The following NT5C2 variants were observed in gnomAD, a reference collection of about 807,000 sequenced individuals.
NT5C2 encodes cytosolic purine 5'-nucleotidase.
NT5C2 carries 58 observed loss-of-function variants against 76.1 expected under a neutral mutation model. The observed-to-expected ratio is 0.76, with a 90% CI of 0.62 to 0.95. NT5C2 has a LOEUF of 0.95. Among genes scored for constraint, NT5C2 ranks in the 40% least tolerant of loss-of-function variants. NT5C2 has a pLI of 0.00. For synonymous variants in NT5C2, 229 were observed against 237.4 expected (o/e 0.96, Z 0.32); for missense variants, 478 against 690.3 (o/e 0.69, Z 3.45).
chr10:103,153,555 G>A (rs542173172), intron 3 of NT5C2: 318 of 985,242 alleles, frequency 3.2e-4, no homozygotes, highest in Non-Finnish European at 3.7e-4. Flanking sequence ...CTAATGGCCT[G>A]AACTGTTTAA....
intron 3 of NT5C2, chr10:103,153,535 G>T (rs1489344355): frequency 1.0e-6 from 1 of 985,142 alleles, no homozygotes; most frequent in Non-Finnish European, 1.2e-6. Context: ...TTCAAGACTA[G>T]GAAAAATAAC....
chr10:103,171,254 A>G (rs1218283860), intron 3 of NT5C2, among the ~76,000 whole-genome samples: 5 of 152,238 alleles, frequency 3.3e-5, no homozygotes, highest in Admixed American at 2.6e-4. Context: ...CTTCTGATAT[A>G]CTCAATAACA....
At chr10:103,110,640 TAAAG>T (rs572288169) in intron 4 of NT5C2, among the ~76,000 whole-genome samples, 38 of 152,218 alleles carry the variant, frequency 2.5e-4, no homozygotes, top group Non-Finnish European at 4.3e-4. Context: ...ATGGATTTAA[TAAAG>T]AGAGTCCAAG....
chr10:103,150,689 T>C (rs187135285), intron 3 of NT5C2, among the ~76,000 whole-genome samples: 12 of 152,344 alleles, frequency 7.9e-5, no homozygotes, highest in African/African-American at 2.6e-4. Context: ...TTAGTGTGTG[T>C]GCAGTGGTAT....
At chr10:103,173,462 A>C (rs570408328) in intron 3 of NT5C2, among the ~76,000 whole-genome samples, 2 of 151,528 alleles carry the variant, frequency 1.3e-5, no homozygotes, top group South Asian at 4.2e-4. Flanking sequence ...CCAAAAATAC[A>C]AAAAATTAGC....
chr10:103,172,374 G>A (rs543911748), intron 3 of NT5C2, among the ~76,000 whole-genome samples: 25 of 148,622 alleles, frequency 1.7e-4, no homozygotes, highest in African/African-American at 4.9e-4. Flanking sequence ...TCAGCCTCCC[G>A]AGTAGCTGGG....
At chr10:103,141,685 T>C (rs2080450591) in intron 3 of NT5C2, among the ~76,000 whole-genome samples, 1 of 152,176 alleles carries the variant, frequency 6.6e-6, no homozygotes, top group Non-Finnish European at 1.5e-5. Context: ...TATTAATTTA[T>C]AATTTATTTA....
Position 103,089,897 on chromosome 10 carries a change from T to C in NT5C2, c.1461A>G (p.Glu487=). ...CTACGTGTGTGTGCTCCACCGTTGA[T>C]TCATGAGGCATCTAGACAGAAAAAA... is the stretch of plus-strand genomic sequence containing the variant. ...FRAAHVLMPH[E]STVEHTHVDI... The change falls in exon 19 of 19, where the codon GAA becomes GAG. Residue 487 remains glutamate (E), a synonymous_variant. Transcript: ENST00000404739. 4 of 1,602,130 alleles carry C rather than the reference T, an allele frequency of 2.5e-6. No homozygotes were observed. Among genetic ancestry groups the C allele is most frequent in the Non-Finnish European group, 3.4e-6 (4 of 1,173,466 alleles).
intron 4 of NT5C2, among the ~76,000 whole-genome samples, chr10:103,132,673 G>A (rs2078429274): frequency 6.6e-6 from 1 of 152,018 alleles, no homozygotes; most frequent in South Asian, 2.1e-4. Context: ...AGCCTCCTGA[G>A]TAGCTGGGAC....
chr10:103,094,148 A>G, intron 13 of NT5C2, 110 bp from the exon 14 acceptor site: 1 of 819,794 alleles, frequency 1.2e-6, no homozygotes, highest in South Asian at 1.5e-5. Flanking sequence ...TTGGCCAGAC[A>G]GCCAAATGAA....
chr10:103,117,508 A>G (rs1240928669), intron 4 of NT5C2, among the ~76,000 whole-genome samples: 1 of 152,194 alleles, frequency 6.6e-6, no homozygotes, highest in Non-Finnish European at 1.5e-5. Context: ...TTAGCCAGCC[A>G]TGGTGGCATA....
At chr10:103,103,208 T>C (rs1042497330) in intron 6 of NT5C2, among the ~76,000 whole-genome samples, 3 of 152,228 alleles carry the variant, frequency 2.0e-5, no homozygotes, top group African/African-American at 7.2e-5. Context: ...CTGCCTGGGT[T>C]TGTTAACTAC....
intron 1 of NT5C2, among the ~76,000 whole-genome samples, chr10:103,189,625 A>G (rs1325102855): frequency 6.6e-6 from 1 of 151,890 alleles, no homozygotes; most frequent in Admixed American, 6.6e-5. Flanking sequence ...ACGAAAAAAA[A>G]AACAAAGATT....
chr10:103,184,844 T>C (rs991350241), intron 1 of NT5C2, among the ~76,000 whole-genome samples: 3 of 152,172 alleles, frequency 2.0e-5, no homozygotes, highest in African/African-American at 7.2e-5. Flanking sequence ...AATAACAAAG[T>C]TGAGAAGAGA....
At chr10:103,100,041 A>C in intron 8 of NT5C2, 22 bp from the exon 9 acceptor site, 1 of 1,495,132 alleles carries the variant, frequency 6.7e-7, no homozygotes, top group Non-Finnish European at 9.3e-7. Context: ...TAAAAATAAC[A>C]TGACAGGGGA....
intron 11 of NT5C2, among the ~76,000 whole-genome samples, chr10:103,096,256 A>G (rs1431142596): frequency 6.6e-6 from 1 of 152,210 alleles, no homozygotes; most frequent in East Asian, 1.9e-4. Flanking sequence ...AAAGGAGCAT[A>G]TGAGGTAGGG....
intron 10 of NT5C2, 42 bp from the exon 11 acceptor site, chr10:103,097,416 T>C (rs770297437): frequency 9.3e-6 from 14 of 1,505,412 alleles, no homozygotes; most frequent in Non-Finnish European, 1.3e-5. Context: ...GAAAACATTT[T>C]TATCTTTACA....
intron 3 of NT5C2, among the ~76,000 whole-genome samples, chr10:103,164,573 T>C (rs1161223718): frequency 6.6e-6 from 1 of 152,130 alleles, no homozygotes; most frequent in Non-Finnish European, 1.5e-5. Flanking sequence ...ATGTTTTTAG[T>C]ATTAAAAAAA....
intron 1 of NT5C2, among the ~76,000 whole-genome samples, chr10:103,182,872 C>G (rs964572311): frequency 1.3e-5 from 2 of 152,050 alleles, no homozygotes; most frequent in African/African-American, 4.8e-5. Context: ...CATTTGTATG[C>G]CTCATATTGT....
Sources: gnomAD v4.1 joint callset for allele counts (sites outside exome capture counted in the v4.1 genomes callset) on GRCh38, gnomAD v4.1.1 for gene constraint, MANE v1.5 for transcripts, NCBI Gene and HGNC (gene_info 2026-07-23, HGNC 2026-07-21) for gene names.